FSHR: variants seen among roughly 807,000 people sequenced by gnomAD.
FSHR encodes follicle stimulating hormone receptor.
In FSHR, 46 loss-of-function variants were observed where a neutral mutation model predicts 52.1. That is an observed-to-expected ratio of 0.88 (90% CI 0.70 to 1.13). The LOEUF (loss-of-function observed/expected upper bound fraction) is 1.13, where lower values mean the gene tolerates loss of function less well. Among genes scored for constraint, FSHR ranks in the 50% most tolerant of loss-of-function variants. The probability of loss-of-function intolerance (pLI) is 0.00; values close to 1 mark genes in which losing one functional copy is unlikely to be tolerated. For synonymous variants in FSHR, 399 were observed against 309.6 expected (o/e 1.29, Z -3.03); for missense variants, 964 against 834.6 (o/e 1.16, Z -1.91).
chr2:49,127,900 T>TCTTCTTCTTCTTCTTCTTC (rs1483408974), intron 1 of FSHR, among the ~76,000 whole-genome samples: 2 of 113,516 alleles, frequency 1.8e-5, no homozygotes, highest in African/African-American at 4.5e-5. Flanking sequence ...TTCTTCTTCT[T>TCTTCTTCTTCTTCTTCTTC]TTTTTTTTTT....
At chr2:48,974,769 A>G (rs995474896) in intron 8 of FSHR, among the ~76,000 whole-genome samples, 1 of 152,150 alleles carries the variant, frequency 6.6e-6, no homozygotes, top group Non-Finnish European at 1.5e-5. Flanking sequence ...CCAGGGACAA[A>G]GATGAGATAA....
intron 1 of FSHR, among the ~76,000 whole-genome samples, chr2:49,107,070 C>T (rs528719532): frequency 1.3e-5 from 2 of 152,112 alleles, no homozygotes; most frequent in African/African-American, 2.4e-5. Context: ...TCAATGACTC[C>T]TTATCACCTG....
chr2:49,128,125 A>C (rs1392202219), intron 1 of FSHR, among the ~76,000 whole-genome samples: 1 of 151,322 alleles, frequency 6.6e-6, no homozygotes, highest in South Asian at 2.1e-4. Flanking sequence ...GAAGTGATCC[A>C]CCTGCCTCAG....
chr2:49,142,217 A>T (rs929030911), intron 1 of FSHR, among the ~76,000 whole-genome samples: 1 of 152,036 alleles, frequency 6.6e-6, no homozygotes, highest in Non-Finnish European at 1.5e-5. Context: ...GGTGGGGAGG[A>T]AAGTAAAGAA....
intron 4 of FSHR, among the ~76,000 whole-genome samples, chr2:49,015,766 A>G (rs1002031911): frequency 5.3e-5 from 8 of 152,202 alleles, no homozygotes; most frequent in African/African-American, 1.7e-4. Flanking sequence ...ACCTCTAAGC[A>G]GGACTGGCTA....
intron 1 of FSHR, among the ~76,000 whole-genome samples, chr2:49,078,376 C>T (rs1035735202): frequency 1.3e-5 from 2 of 152,162 alleles, no homozygotes; most frequent in Admixed American, 1.3e-4. Flanking sequence ...CACCAGGTCC[C>T]TGCCATACTA....
chr2:48,966,139 G>A (rs759559803), intron 9 of FSHR, among the ~76,000 whole-genome samples: 4 of 152,104 alleles, frequency 2.6e-5, no homozygotes, highest in Non-Finnish European at 5.9e-5. Flanking sequence ...TACCATTGTG[G>A]GAATTAAATG....
At chr2:48,989,696 CA>C (rs1194891862) in intron 5 of FSHR, among the ~76,000 whole-genome samples, 1 of 152,194 alleles carries the variant, frequency 6.6e-6, no homozygotes, top group Non-Finnish European at 1.5e-5. Context: ...GCCTTCTCCT[CA>C]TGTCAATCCC....
chr2:49,134,464 G>A (rs1188179138), intron 1 of FSHR, among the ~76,000 whole-genome samples: 1 of 152,226 alleles, frequency 6.6e-6, no homozygotes, highest in Non-Finnish European at 1.5e-5. Flanking sequence ...TACACTGTTG[G>A]TGGGACTGTA....
At chr2:48,985,919 T>G (rs1385676087) in intron 6 of FSHR, among the ~76,000 whole-genome samples, 1 of 151,422 alleles carries the variant, frequency 6.6e-6, no homozygotes, top group African/African-American at 2.4e-5. Flanking sequence ...TTCACCTTGT[T>G]AGCCAGGATG....
At chr2:49,153,791 T>C (rs1673145365) in intron 1 of FSHR, among the ~76,000 whole-genome samples, 1 of 152,122 alleles carries the variant, frequency 6.6e-6, no homozygotes, top group Non-Finnish European at 1.5e-5. Context: ...GAATCTCAGT[T>C]CAGGAATTAT....
chr2:49,120,632 C>A (rs562848805), intron 1 of FSHR, among the ~76,000 whole-genome samples: 4 of 152,154 alleles, frequency 2.6e-5, no homozygotes, highest in South Asian at 2.1e-4. Context: ...TGAAATAGGG[C>A]AGACCTGGAG....
At chr2:49,133,993 A>G (rs991789829) in intron 1 of FSHR, among the ~76,000 whole-genome samples, 1 of 152,226 alleles carries the variant, frequency 6.6e-6, no homozygotes, top group African/African-American at 2.4e-5. Context: ...AATACCATTA[A>G]GACCACAGGC....
intron 8 of FSHR, among the ~76,000 whole-genome samples, chr2:48,971,779 C>T (rs1028207169): frequency 6.6e-6 from 1 of 152,106 alleles, no homozygotes; most frequent in Non-Finnish European, 1.5e-5. Context: ...CTTTTTAAGG[C>T]TCATACAAAT....
intron 1 of FSHR, among the ~76,000 whole-genome samples, chr2:49,128,669 T>C (rs928982221): frequency 2.2e-5 from 3 of 135,768 alleles, no homozygotes; most frequent in Non-Finnish European, 4.7e-5. Context: ...CAGGAAGGTG[T>C]TGAATAGTCT....
chr2:49,096,631 T>G (rs1433863441), intron 1 of FSHR, among the ~76,000 whole-genome samples: 1 of 152,222 alleles, frequency 6.6e-6, no homozygotes, highest in Non-Finnish European at 1.5e-5. Context: ...AGTAAAATAT[T>G]ACAACTACTG....
intron 1 of FSHR, among the ~76,000 whole-genome samples, chr2:49,071,315 G>A (rs1177192811): frequency 6.6e-6 from 1 of 152,100 alleles, no homozygotes; most frequent in Non-Finnish European, 1.5e-5. Context: ...TTAAATGCAA[G>A]TGGAGGGAAA....
At chr2:49,096,218 CAATG>C (rs1249160643) in intron 1 of FSHR, among the ~76,000 whole-genome samples, 1 of 152,108 alleles carries the variant, frequency 6.6e-6, no homozygotes, top group African/African-American at 2.4e-5. Context: ...AAATATTCAT[CAATG>C]AATGAATGAA....
Position 49,133,267 on chromosome 2 carries a change from G to T in FSHR, c.152+20999C>A, listed in dbSNP as rs1270847055. On this transcript the variant is annotated intron_variant, in intron 1 of 9. Coordinates refer to ENST00000406846, the MANE Select transcript of FSHR (RefSeq NM_000145.4). ...ACCAAGCCACAGTTGTGCAAGCAAG[G>T]CTCTACCTTGACCATGACCTGTTGA... Among the ~76,000 whole-genome samples, 2 of 152,162 alleles carry T rather than the reference G, an allele frequency of 1.3e-5. 1 individual carries two copies. The highest frequency in any genetic ancestry group is 4.1e-4 in the South Asian group (2 of 4,832).
Sources: gnomAD v4.1 joint callset for allele counts (sites outside exome capture counted in the v4.1 genomes callset) on GRCh38, gnomAD v4.1.1 for gene constraint, MANE v1.5 for transcripts, NCBI Gene and HGNC (gene_info 2026-07-23, HGNC 2026-07-21) for gene names.